Variants in CSMD3 observed in about 807,000 individuals in gnomAD.
The protein encoded by CSMD3 is CUB and sushi domain-containing protein 3.
In CSMD3, 177 loss-of-function variants were observed where a neutral mutation model predicts 435.2. That is an observed-to-expected ratio of 0.41 (90% CI 0.36 to 0.46). The LOEUF (loss-of-function observed/expected upper bound fraction) is 0.46. CSMD3 is among the 20% of genes least tolerant of loss of function. The probability of loss-of-function intolerance (pLI) is 0.34; values close to 1 mark genes in which losing one functional copy is unlikely to be tolerated. For synonymous variants in CSMD3, 1,656 were observed against 1,520.5 expected (o/e 1.09, Z -2.07); for missense variants, 4,265 against 4,504.6 (o/e 0.95, Z 1.52).
At chr8:112,620,958 C>T (rs1171100108) in intron 22 of CSMD3, among the ~76,000 whole-genome samples, 1 of 152,096 alleles carries the variant, frequency 6.6e-6, no homozygotes, top group Non-Finnish European at 1.5e-5. Context: ...TATGGCAGGC[C>T]AGGTGCAGTC....
At chr8:112,602,706 G>T (rs1413522283) in intron 22 of CSMD3, among the ~76,000 whole-genome samples, 1 of 151,614 alleles carries the variant, frequency 6.6e-6, no homozygotes, top group African/African-American at 2.4e-5. Flanking sequence ...TATGTTATAT[G>T]TATTATATAC....
chr8:113,337,254 T>C (rs1563717604), intron 1 of CSMD3, among the ~76,000 whole-genome samples: 2 of 152,140 alleles, frequency 1.3e-5, no homozygotes, highest in Admixed American at 6.6e-5. Flanking sequence ...CCTCTCAATA[T>C]TGGCTTTATA....
At chr8:113,380,335 C>T (rs959768831) in intron 1 of CSMD3, among the ~76,000 whole-genome samples, 2 of 152,000 alleles carry the variant, frequency 1.3e-5, no homozygotes, top group African/African-American at 4.8e-5. Flanking sequence ...ATTTTTCAAA[C>T]TAAGGTATGA....
intron 5 of CSMD3, among the ~76,000 whole-genome samples, chr8:113,029,817 G>A (rs2087016725): frequency 6.6e-6 from 1 of 151,476 alleles, no homozygotes; most frequent in Non-Finnish European, 1.5e-5. Context: ...ATCCAAATCA[G>A]TAAAAAGGAA....
intron 3 of CSMD3, among the ~76,000 whole-genome samples, chr8:113,203,694 T>C (rs1001578130): frequency 2.0e-4 from 30 of 152,120 alleles, no homozygotes; most frequent in African/African-American, 7.0e-4. Context: ...TCCAGCTCCA[T>C]CAAGACAAAA....
At chr8:113,230,758 T>C (rs913876292) in intron 3 of CSMD3, among the ~76,000 whole-genome samples, 1 of 151,596 alleles carries the variant, frequency 6.6e-6, no homozygotes, top group African/African-American at 2.4e-5. Context: ...CCCATGTTGG[T>C]TTTTTATGTT....
chr8:112,784,894 A>G (rs371165023), intron 13 of CSMD3, among the ~76,000 whole-genome samples: 5 of 152,036 alleles, frequency 3.3e-5, no homozygotes, highest in African/African-American at 1.2e-4. Context: ...ATGAGGGTAT[A>G]TGTCCAAACT....
chr8:112,471,668 A>C (rs1818537327), intron 32 of CSMD3, among the ~76,000 whole-genome samples: 1 of 152,154 alleles, frequency 6.6e-6, no homozygotes, highest in Non-Finnish European at 1.5e-5. Context: ...TGGAAGCATC[A>C]GCTTATTTTA....
At chr8:113,050,687 G>C in intron 5 of CSMD3, among the ~76,000 whole-genome samples, 1 of 152,082 alleles carries the variant, frequency 6.6e-6, no homozygotes, top group East Asian at 1.9e-4. Context: ...GAATCTGAAA[G>C]AGTGGTTTTA....
At chr8:112,922,496 A>AC (rs949641535) in intron 9 of CSMD3, among the ~76,000 whole-genome samples, 13 of 151,456 alleles carry the variant, frequency 8.6e-5, no homozygotes, top group African/African-American at 2.9e-4. Flanking sequence ...CATTAACCAT[A>AC]CCCCTCTCCC....
intron 20 of CSMD3, among the ~76,000 whole-genome samples, chr8:112,639,327 C>T (rs1282736426): frequency 6.6e-6 from 1 of 152,084 alleles, no homozygotes; most frequent in African/African-American, 2.4e-5. Context: ...CACTTAACTT[C>T]CAAATATGCT....
chr8:112,387,463 TTATG>T (rs1250018703), intron 36 of CSMD3, among the ~76,000 whole-genome samples: 2 of 87,126 alleles, frequency 2.3e-5, no homozygotes, highest in East Asian at 6.1e-4. Context: ...AAGTCATATA[TTATG>T]TGTGTGTGTG....
At chr8:112,229,889 T>TA (rs60494083) in intron 69 of CSMD3, among the ~76,000 whole-genome samples, 149 of 141,638 alleles carry the variant, frequency 1.1e-3, no homozygotes, top group Middle Eastern at 3.8e-3. Flanking sequence ...CAGCCGAGAT[T>TA]AAAAAAAAAA....
intron 6 of CSMD3, among the ~76,000 whole-genome samples, chr8:113,013,146 T>C (rs562581940): frequency 6.6e-6 from 1 of 152,228 alleles, no homozygotes; most frequent in Non-Finnish European, 1.5e-5. Flanking sequence ...AGAAAATCTG[T>C]TATAGAAAAA....
At chr8:112,973,319 C>T (rs929898041) in intron 7 of CSMD3, among the ~76,000 whole-genome samples, 2 of 151,832 alleles carry the variant, frequency 1.3e-5, no homozygotes, top group Non-Finnish European at 3.0e-5. Flanking sequence ...CGGTTGTTTA[C>T]CAACTCATTG....
intron 15 of CSMD3, among the ~76,000 whole-genome samples, chr8:112,683,652 T>A (rs2075951405): frequency 6.6e-6 from 1 of 152,048 alleles, no homozygotes; most frequent in Non-Finnish European, 1.5e-5. Context: ...TGTATTACAA[T>A]ATAAATGGAA....
rs766456924 is a variant in CSMD3 at position 112,341,547 on chromosome 8, G to C, written c.6582C>G (p.Thr2194=). 6.2e-7 allele frequency: 1 copy of C among 1,613,268 alleles called. No homozygotes were observed. The highest frequency in any genetic ancestry group is 8.5e-7 in the Non-Finnish European group (1 of 1,179,438). ...TGTGAAAATATAAGCTGGTTTCATG[G>C]GTGGTGCTGAATAAGGAAGATGGTA... ...PQIPSSLFST[T]HETSLYFHSD... is the part of the protein sequence containing the mutation. The change falls in exon 42 of 71, where the codon ACC becomes ACG. Residue 2194 remains threonine (T), a synonymous_variant. Transcript: ENST00000297405.
chr8:112,391,648 C>T (rs151021337), intron 35 of CSMD3, among the ~76,000 whole-genome samples: 124 of 151,210 alleles, frequency 8.2e-4, no homozygotes, highest in African/African-American at 2.7e-3. Flanking sequence ...GCTGAGATTG[C>T]GCCACTGCAC....
At chr8:112,897,732 A>T (rs1007255760) in intron 10 of CSMD3, among the ~76,000 whole-genome samples, 3 of 115,146 alleles carry the variant, frequency 2.6e-5, no homozygotes, top group Admixed American at 8.4e-5. Context: ...GTGTGTGTGT[A>T]GGGGAAGTCG....
Sources: gnomAD v4.1 joint callset for allele counts (sites outside exome capture counted in the v4.1 genomes callset) on GRCh38, gnomAD v4.1.1 for gene constraint, MANE v1.5 for transcripts, NCBI Gene and HGNC (gene_info 2026-07-23, HGNC 2026-07-21) for gene names.